RIMBP2: variants seen among roughly 807,000 people sequenced by gnomAD.
RIMBP2 encodes the protein RIMS binding protein 2, also known as RIMS-binding protein 2.
Under a neutral mutation model 118.6 loss-of-function variants are expected in RIMBP2, and 48 were observed. The ratio of observed to expected loss-of-function variants is 0.40; its 90% CI spans 0.32 to 0.51. The LOEUF (loss-of-function observed/expected upper bound fraction) is 0.51. Ranked by LOEUF, RIMBP2 falls within the 20% of genes least tolerant of loss-of-function variation. The probability of loss-of-function intolerance (pLI) is 0.41; values close to 1 mark genes in which losing one functional copy is unlikely to be tolerated. For missense variants in RIMBP2, 1,551 were observed against 1,768.3 expected, an observed-to-expected ratio of 0.88 and a Z score of 2.20; for synonymous variants, 762 against 742.9, an observed-to-expected ratio of 1.03 and a Z score of -0.42.
At position 130,442,119 on chromosome 12, in the gene RIMBP2, G is replaced by A; in HGVS notation, c.1233C>T (p.Pro411=). 6.2e-7 allele frequency: 1 copy of A among 1,614,152 alleles called. No individual in the cohort carries two copies. ...LLVGKDVVVA[P]SHLRVDNITQ... ...TGATGTTGTCCACCCGCAGGTGGGAGGGGGCCACCACCACGTCCTTGCCCA... is the reference window on the plus strand; with the variant it reads ...TGATGTTGTCCACCCGCAGGTGGGAAGGGGCCACCACCACGTCCTTGCCCA... The change falls in exon 11 of 23, where the codon CCC becomes CCT. Residue 411 remains proline, a synonymous_variant. Transcript: ENST00000690449. The surrounding 1 kb of genome is among the most constrained non-coding windows in gnomAD (Gnocchi z 6.9).
At chr12:130,637,196 A>C (rs774306843) in intron 1 of RIMBP2, among the ~76,000 whole-genome samples, 2 of 152,306 alleles carry the variant, frequency 1.3e-5, no homozygotes, top group Admixed American at 6.5e-5. Context: ...CTGTCCTCAG[A>C]TCACCTCTCA....
intron 1 of RIMBP2, among the ~76,000 whole-genome samples, chr12:130,680,528 T>C (rs1278758307): frequency 6.6e-6 from 1 of 152,126 alleles, no homozygotes. Context: ...AGCTTGGACA[T>C]GCAAAGGCTC....
At position 130,670,201 on chromosome 12, in the gene RIMBP2, A is replaced by T. The variant is rs1566443797; in HGVS notation, c.-351-41745T>A. On this transcript the variant is annotated intron_variant, in intron 1 of 22. Coordinates refer to ENST00000690449, the MANE Select transcript of RIMBP2 (RefSeq NM_001393629.1). The surrounding 1 kb of genome is among the most constrained non-coding windows in gnomAD (Gnocchi z 4.9). ...GAGACAAGGAAGAGGCCCTCCCTTG[A>T]GCTCTGGGAGGGAGCACAGCCCCGC... Among the ~76,000 whole-genome samples the T allele has an allele frequency of 6.6e-6, 1 of 151,748 alleles. No homozygotes were observed. Among genetic ancestry groups the T allele is most frequent in the Non-Finnish European group, 1.5e-5 (1 of 67,944 alleles).
intron 4 of RIMBP2, among the ~76,000 whole-genome samples, chr12:130,498,831 C>T (rs892556004): frequency 2.0e-5 from 3 of 152,144 alleles, no homozygotes; most frequent in African/African-American, 7.2e-5. Flanking sequence ...CAAGTGGAGG[C>T]CCCACGTGAG....
rs2077600025 is a variant in RIMBP2, at chr12:130,437,309, T to G, written c.1657-18A>C. ...TCAGCCACCTGTGGACAAGCAGAGCTGGCTCGCGGGCTGCCCGAGGTGAGC... is the reference window on the plus strand; with the variant it reads ...TCAGCCACCTGTGGACAAGCAGAGCGGGCTCGCGGGCTGCCCGAGGTGAGC... On this transcript the variant is annotated intron_variant, in intron 12 of 22. Coordinates refer to ENST00000690449, the MANE Select transcript of RIMBP2 (RefSeq NM_001393629.1). 6.4e-7 allele frequency: 1 copy of G among 1,553,652 alleles called. No homozygotes were observed. The highest frequency in any genetic ancestry group is 1.4e-5 in the African/African-American group (1 of 73,992).
chr12:130,450,180 C>T lies in RIMBP2; in HGVS notation c.581+20G>A, dbSNP rs764586464. ...GCCCCACTCACAGGGGCTCGGTGGA[C>T]GCCGAGGGGCCGCACTTACCTATAG... On this transcript the variant is annotated intron_variant, in intron 9 of 22. Coordinates refer to ENST00000690449, the MANE Select transcript of RIMBP2 (RefSeq NM_001393629.1). The surrounding 1 kb of genome is among the most constrained non-coding windows in gnomAD (Gnocchi z 4.8). 3.8e-5 allele frequency: 60 copies of T among 1,571,726 alleles called. No homozygotes were observed. Among genetic ancestry groups the T allele is most frequent in the Middle Eastern group, 1.7e-4 (1 of 6,006 alleles).
intron 2 of RIMBP2, among the ~76,000 whole-genome samples, chr12:130,532,254 T>G (rs977822964): frequency 5.0e-5 from 7 of 139,030 alleles, no homozygotes; most frequent in East Asian, 2.3e-4. Flanking sequence ...CTCTAGGAGG[T>G]ACGTCTAATG....
At chr12:130,632,130 A>G (rs920535420) in intron 1 of RIMBP2, among the ~76,000 whole-genome samples, 2 of 152,262 alleles carry the variant, frequency 1.3e-5, no homozygotes, top group Admixed American at 6.5e-5. Flanking sequence ...AGCAAAAAAT[A>G]AAAGAGACGT....
At position 130,434,743 on chromosome 12, in the gene RIMBP2, A is replaced by G. The variant is rs752544456; in HGVS notation, c.2244T>C (p.Leu748=). The change falls in exon 14 of 23, where the codon CTT becomes CTC. Residue 748 remains leucine (L), a synonymous_variant. Coordinates refer to ENST00000690449, the MANE Select transcript of RIMBP2 (RefSeq NM_001393629.1). This position sits in a 1 kb window ranked among gnomAD's most constrained non-coding sequence, Gnocchi z 5.7. ...SVDDFLKGSE[L]GKQPHCCHGD... is the part of the protein sequence containing the mutation. ...CCCGGCCCGCTCTCACCTGCTTGCCAAGTTCAGAGCCTTTCAGGAAGTCGT... is the reference window on the plus strand; with the variant it reads ...CCCGGCCCGCTCTCACCTGCTTGCCGAGTTCAGAGCCTTTCAGGAAGTCGT... The G allele has an allele frequency of 6.2e-7, 1 of 1,612,790 alleles. No homozygotes were observed. The highest frequency in any genetic ancestry group is 8.5e-7 in the Non-Finnish European group (1 of 1,179,778).
intron 2 of RIMBP2, among the ~76,000 whole-genome samples, chr12:130,552,567 G>GAGC (rs1376468698): frequency 6.6e-6 from 1 of 152,198 alleles, no homozygotes; most frequent in African/African-American, 2.4e-5. Flanking sequence ...AACTGCTGGT[G>GAGC]AGCAGATCAG....
intron 1 of RIMBP2, chr12:130,660,788 A>C (rs1359584492): frequency 6.6e-6 from 1 of 152,030 alleles, no homozygotes; most frequent in African/African-American, 2.4e-5. Context: ...ACCCATGTGC[A>C]ATTTCACATG....
At chr12:130,462,049 C>T (rs1357212599) in intron 6 of RIMBP2, among the ~76,000 whole-genome samples, 4 of 152,336 alleles carry the variant, frequency 2.6e-5, no homozygotes, top group Middle Eastern at 3.4e-3. Flanking sequence ...TGGCTGCAGG[C>T]TGTGGCTGCT....
chr12:130,587,948 A>G (rs1180498832), intron 2 of RIMBP2, among the ~76,000 whole-genome samples: 1 of 151,586 alleles, frequency 6.6e-6, no homozygotes, highest in Admixed American at 6.6e-5. Context: ...AGCACATATG[A>G]TGTCCCTGTC....
intron 1 of RIMBP2, among the ~76,000 whole-genome samples, chr12:130,645,444 C>G (rs751970115): frequency 4.5e-4 from 68 of 152,344 alleles, no homozygotes; most frequent in Non-Finnish European, 3.2e-4. Flanking sequence ...CTGAAGTTCA[C>G]TGCTCTTCCC....
intron 4 of RIMBP2, among the ~76,000 whole-genome samples, chr12:130,492,006 C>T (rs1174527415): frequency 6.6e-6 from 1 of 152,212 alleles, no homozygotes; most frequent in Admixed American, 6.5e-5. Context: ...ATCTCCTCAA[C>T]GTCAGATCAA....
rs927521750 is a variant in RIMBP2, at chr12:130,647,108, T to C, written c.-351-18652A>G. On this transcript the variant is annotated intron_variant, in intron 1 of 22. Coordinates refer to ENST00000690449, the MANE Select transcript of RIMBP2 (RefSeq NM_001393629.1). ...TTCACGGGGAATTCCAGGCACCTAATTGGCCCTGGGAAGTAAATAAGCAAC... is the reference window on the plus strand; with the variant it reads ...TTCACGGGGAATTCCAGGCACCTAACTGGCCCTGGGAAGTAAATAAGCAAC... Among the ~76,000 whole-genome samples, 36 of 152,212 alleles carry C rather than the reference T, an allele frequency of 2.4e-4. 1 individual carries two copies. Among genetic ancestry groups the C allele is most frequent in the African/African-American group, 8.4e-4 (35 of 41,462 alleles).
chr12:130,649,483 C>T (rs1171212688), intron 1 of RIMBP2, among the ~76,000 whole-genome samples: 1 of 152,190 alleles, frequency 6.6e-6, no homozygotes, highest in Non-Finnish European at 1.5e-5. Flanking sequence ...AGCCACGTGG[C>T]CACCCAGACC....
rs556073739 is a variant in RIMBP2, at chr12:130,597,923, T to C, written c.-217+30399A>G. On this transcript the variant is annotated intron_variant, in intron 2 of 22. Coordinates refer to ENST00000690449, the MANE Select transcript of RIMBP2 (RefSeq NM_001393629.1). Reference sequence around the variant, plus strand: ...AAGAATGAGAAATAGACAGCATTTATAGATTGGAAAAGAAGGAGGAAAATG... The same window carrying C: ...AAGAATGAGAAATAGACAGCATTTACAGATTGGAAAAGAAGGAGGAAAATG... Among the ~76,000 whole-genome samples, 42 of 152,294 alleles carry C rather than the reference T, an allele frequency of 2.8e-4. 1 individual carries two copies. In the South Asian group the frequency reaches 8.5e-3, roughly 31 times the overall value.
At position 130,525,274 on chromosome 12, in the gene RIMBP2, C is replaced by G. The variant is rs2052652688; in HGVS notation, c.-216-7357G>C. 6.6e-6 allele frequency among the ~76,000 whole-genome samples: 1 copy of G among 152,140 alleles called. No homozygotes were observed. Among genetic ancestry groups the G allele is most frequent in the South Asian group, 2.1e-4 (1 of 4,830 alleles). On this transcript the variant is annotated intron_variant, in intron 2 of 22. Transcript: ENST00000690449. This position sits in a 1 kb window ranked among gnomAD's most constrained non-coding sequence, Gnocchi z 4.4. ...TGGGGACCGGCAGGTCAGCTACTGC[C>G]CAGAAGCCAAGCAGCATTGCGGGCA...
Sources: allele counts gnomAD v4.1 joint callset (sites outside exome capture counted in the v4.1 genomes callset), GRCh38; gene constraint gnomAD v4.1.1; non-coding constraint Gnocchi (gnomAD v3.1); transcripts MANE v1.5; gene names NCBI Gene and HGNC (gene_info 2026-07-23, HGNC 2026-07-21).